SAXO1: variants seen among roughly 807,000 people sequenced by gnomAD.
SAXO1 encodes the protein 4930500O09Rik.
Under a neutral mutation model 17.5 loss-of-function variants are expected in SAXO1, and 21 were observed. The ratio of observed to expected loss-of-function variants is 1.20; its 90% CI spans 0.85 to 1.72. The LOEUF (loss-of-function observed/expected upper bound fraction) is 1.72. SAXO1 is among the 40% of genes most tolerant of loss of function. SAXO1 has a pLI of 0.00. For synonymous variants in SAXO1, 274 were observed against 216.5 expected (o/e 1.27, Z -2.33); for missense variants, 843 against 596.0 (o/e 1.41, Z -4.32).
At chr9:18,959,102 G>A (rs1588441157) in intron 1 of SAXO1, among the ~76,000 whole-genome samples, 1 of 152,142 alleles carries the variant, frequency 6.6e-6, no homozygotes, top group African/African-American at 2.4e-5. Context: ...GAGCCGCTGG[G>A]GTGGGGACAA....
At chr9:18,960,518 C>G (rs1832441165) in intron 1 of SAXO1, among the ~76,000 whole-genome samples, 2 of 152,182 alleles carry the variant, frequency 1.3e-5, no homozygotes, top group Admixed American at 6.5e-5. Context: ...CCACACATGC[C>G]TGTAATCCCA....
intron 1 of SAXO1, among the ~76,000 whole-genome samples, chr9:19,032,077 A>C (rs1222843406): frequency 6.6e-6 from 1 of 152,112 alleles, no homozygotes; most frequent in Non-Finnish European, 1.5e-5. Flanking sequence ...TATGACCTGG[A>C]GTTTAGTTAC....
chr9:18,977,947 G>C (rs1313707125), intron 1 of SAXO1, among the ~76,000 whole-genome samples: 1 of 132,038 alleles, frequency 7.6e-6, no homozygotes, highest in Non-Finnish European at 1.5e-5. Context: ...AGTGGGCCTA[G>C]ATCATGCCAC....
intron 1 of SAXO1, among the ~76,000 whole-genome samples, chr9:19,006,828 T>C (rs996442951): frequency 6.6e-6 from 1 of 151,864 alleles, no homozygotes; most frequent in Non-Finnish European, 1.5e-5. Context: ...GGAGTATCAC[T>C]TGAGGTCAAG....
chr9:19,047,574 A>C (rs551731251), intron 1 of SAXO1, among the ~76,000 whole-genome samples: 6 of 152,236 alleles, frequency 3.9e-5, no homozygotes, highest in South Asian at 4.1e-4. Context: ...ATTATCATTA[A>C]GTTTCAGAAC....
In SAXO1 at chr9:18,931,231, C is replaced by T. The variant is rs77098543; in HGVS notation, c.422-2176G>A. Among the ~76,000 whole-genome samples, 1,388 of 152,274 alleles carry T rather than the reference C, an allele frequency of 9.1e-3. 16 individuals are homozygous for T. Among genetic ancestry groups the T allele is most frequent in the African/African-American group, 0.032 (1,311 of 41,536 alleles). On this transcript the variant is annotated intron_variant, in intron 3 of 3. Transcript: ENST00000380534. Reference sequence around the variant, plus strand: ...AATTTGCTCTTGGTCTCTATAACTGCGCATTTTTTGGACATTTCATATAAA... The same window carrying T: ...AATTTGCTCTTGGTCTCTATAACTGTGCATTTTTTGGACATTTCATATAAA...
At chr9:18,959,290 A>T (rs555650588) in intron 1 of SAXO1, among the ~76,000 whole-genome samples, 97 of 152,308 alleles carry the variant, frequency 6.4e-4, no homozygotes, top group African/African-American at 2.1e-3. Flanking sequence ...AGATTCGCAG[A>T]TAGGAATACT....
In SAXO1 at chr9:18,945,759, C is replaced by CA. The variant is rs1461793347; in HGVS notation, c.219-3921_219-3920insT. 2.0e-4 allele frequency among the ~76,000 whole-genome samples: 30 copies of CA among 152,268 alleles called. No individual in the cohort carries two copies. In the East Asian group the frequency reaches 4.8e-3, roughly 24 times the overall value. On this transcript the variant is annotated intron_variant, in intron 2 of 3. Coordinates refer to ENST00000380534, the MANE Select transcript of SAXO1 (RefSeq NM_153707.4). ...ATATCTGTCACCACTTCATATAAAC[C>CA]CTAGGCAAACTATTTCAAATGACTT...
chr9:18,956,532 C>T (rs931592223), intron 1 of SAXO1, among the ~76,000 whole-genome samples: 2 of 152,140 alleles, frequency 1.3e-5, no homozygotes, highest in African/African-American at 2.4e-5. Flanking sequence ...CTCCTTCACT[C>T]GAGGAGGCAG....
At chr9:18,971,973 C>T (rs1258806512) in intron 1 of SAXO1, among the ~76,000 whole-genome samples, 1 of 152,062 alleles carries the variant, frequency 6.6e-6, no homozygotes, top group Non-Finnish European at 1.5e-5. Flanking sequence ...GCTTTTGTTA[C>T]TTGACAAAAC....
intron 1 of SAXO1, among the ~76,000 whole-genome samples, chr9:18,976,673 A>T (rs116937841): frequency 0.041 from 6,318 of 152,334 alleles, 147 homozygotes; most frequent in Middle Eastern, 0.078. Context: ...ACTCTCCCCC[A>T]AGCTCAGGGA....
chr9:19,030,016 G>A (rs10757024), intron 1 of SAXO1, among the ~76,000 whole-genome samples: 73,440 of 152,058 alleles, frequency 0.48, 19,431 homozygotes, highest in African/African-American at 0.71. Flanking sequence ...ATAATTAATC[G>A]AGGATATAAA....
upstream of SAXO1, among the ~76,000 whole-genome samples, chr9:19,034,585 C>T (rs943975904): frequency 6.6e-6 from 1 of 152,106 alleles, no homozygotes; most frequent in African/African-American, 2.4e-5. Context: ...AGAGTTCCAA[C>T]CCCAGTTATA....
intron 1 of SAXO1, among the ~76,000 whole-genome samples, chr9:18,966,407 G>C (rs1295460795): frequency 6.6e-6 from 1 of 152,142 alleles, no homozygotes; most frequent in Non-Finnish European, 1.5e-5. Flanking sequence ...TTTTCATACA[G>C]TCCCATATTT....
intron 1 of SAXO1, among the ~76,000 whole-genome samples, chr9:18,998,649 A>C (rs1286969501): frequency 6.6e-6 from 1 of 152,222 alleles, no homozygotes. Context: ...GAGCAACCCC[A>C]AACACGTAAT....
Position 18,963,684 on chromosome 9 carries a change from G to C in SAXO1, c.39-12747C>G, listed in dbSNP as rs150757606. Among the ~76,000 whole-genome samples the C allele has an allele frequency of 9.3e-3, 1,421 of 152,272 alleles. 15 individuals carry two copies. Among genetic ancestry groups the C allele is most frequent in the African/African-American group, 0.033 (1,363 of 41,536 alleles). On this transcript the variant is annotated intron_variant, in intron 1 of 3. Coordinates refer to ENST00000380534, the MANE Select transcript of SAXO1 (RefSeq NM_153707.4). ...CTGAAGTTGCTTATAAGCTTAAAGA[G>C]TTTTGGGGCTGAGACAATGGAGTTT...
Position 18,928,705 on chromosome 9 carries a change from G to C in SAXO1, c.772C>G (p.Leu258Val), listed in dbSNP as rs1830897280. The C allele has an allele frequency of 1.9e-6, 3 of 1,614,066 alleles. No individual in the cohort carries two copies. The highest frequency in any genetic ancestry group is 2.2e-5 in the South Asian group (2 of 91,082). ...MGEPAKSLKPLARPPGLDMPF... is the reference protein window; with the variant it reads ...MGEPAKSLKPVARPPGLDMPF... ...ATGTCTAGCCCAGGAGGCCTGGCTA[G>C]AGGTTTCAAGCTCTTGGCAGGCTCC... The change falls in exon 4 of 4, where the codon CTA becomes GTA. Residue 258 changes from leucine (L) to valine (V), a missense_variant. By Grantham distance (32) the Leu-to-Val change is conservative. Transcript: ENST00000380534.
chr9:19,034,483 G>C (rs1043426062), upstream of SAXO1, among the ~76,000 whole-genome samples: 2 of 152,034 alleles, frequency 1.3e-5, no homozygotes, highest in Non-Finnish European at 2.9e-5. Flanking sequence ...ATAAAGTTTT[G>C]AATTTTTTCA....
intron 1 of SAXO1, among the ~76,000 whole-genome samples, chr9:18,997,137 G>T (rs1417525462): frequency 6.6e-6 from 1 of 152,218 alleles, no homozygotes; most frequent in Non-Finnish European, 1.5e-5. Context: ...AAGCAGGGCA[G>T]GGCATTGCCT....
Sources: allele counts gnomAD v4.1 joint callset (sites outside exome capture counted in the v4.1 genomes callset), GRCh38; gene constraint gnomAD v4.1.1; transcripts MANE v1.5; gene names NCBI Gene and HGNC (gene_info 2026-07-23, HGNC 2026-07-21).